Variants in CARF observed in about 807,000 individuals in gnomAD.
CARF encodes calcium-responsive transcription factor.
Under a neutral mutation model 82.0 loss-of-function variants are expected in CARF, and 57 were observed. The observed-to-expected ratio is 0.70, with a 90% CI of 0.56 to 0.87. The LOEUF is 0.87. Among genes scored for constraint, CARF ranks in the 40% least tolerant of loss-of-function variants. The pLI is 0.00. For missense variants in CARF, 771 were observed against 855.8 expected, an observed-to-expected ratio of 0.90 and a Z score of 1.24; for synonymous variants, 268 against 290.1, an observed-to-expected ratio of 0.92 and a Z score of 0.77.
chr2:202,935,124 T>TATAATTATATATAATTATG (rs1559204258), intron 3 of CARF, among the ~76,000 whole-genome samples: 1 of 85,258 alleles, frequency 1.2e-5, no homozygotes, highest in Non-Finnish European at 2.6e-5. Context: ...ATATAATTAT[T>TATAATTATATATAATTATG]TATAATTATA....
At chr2:202,944,291 A>C (rs2058383478) in intron 5 of CARF, among the ~76,000 whole-genome samples, 1 of 152,212 alleles carries the variant, frequency 6.6e-6, no homozygotes, top group Admixed American at 6.5e-5. Context: ...GAATATACTT[A>C]ACATAAGTAA....
At chr2:202,978,746 G>A (rs1393027136) in intron 14 of CARF, among the ~76,000 whole-genome samples, 1 of 152,154 alleles carries the variant, frequency 6.6e-6, no homozygotes, top group Admixed American at 6.6e-5. Flanking sequence ...TTTTACTGGA[G>A]GGATATGACC....
At chr2:202,981,444 T>C in intron 14 of CARF, 111 bp from the exon 15 acceptor site, 1 of 828,992 alleles carries the variant, frequency 1.2e-6, no homozygotes, top group Admixed American at 3.0e-5. Context: ...TTTGCAAAAC[T>C]TTGAAAGTAT....
intron 9 of CARF, chr2:202,961,671 T>C (rs986024855): frequency 1.0e-4 from 51 of 485,796 alleles, no homozygotes; most frequent in Middle Eastern, 5.3e-4. Flanking sequence ...AAATAAAATA[T>C]CGAAGTTTCC....
At position 202,986,273 on chromosome 2, in the gene CARF, A is replaced by G. The variant is rs919354360; in HGVS notation, c.*2649A>G. On this transcript the variant is annotated 3_prime_UTR_variant, in exon 17 of 17. Transcript: ENST00000438828. ...AGGTGCTCAGCATCACTTTTTGAAA[A>G]CTATGTTTACATATTTAAAATGTTT... 1.3e-5 allele frequency: 2 copies of G among 152,122 alleles called. No individual in the cohort carries two copies. The highest frequency in any genetic ancestry group is 2.9e-5 in the Non-Finnish European group (2 of 67,978). The allele number at this position is 152,122 out of a possible 1,614,324, so 9.4% of individuals were successfully genotyped here. A position where few individuals can be genotyped will look rare whatever the true frequency, so the allele number is the denominator to read the frequency against.
intron 6 of CARF, among the ~76,000 whole-genome samples, chr2:202,953,216 A>T (rs2058837843): frequency 6.6e-6 from 1 of 152,034 alleles, no homozygotes; most frequent in African/African-American, 2.4e-5. Context: ...AGGCTTCACC[A>T]TGTTGGCCAG....
intron 7 of CARF, 96 bp downstream of exon 7, chr2:202,954,230 C>A: frequency 7.4e-7 from 1 of 1,358,782 alleles, no homozygotes; most frequent in Non-Finnish European, 9.9e-7. Flanking sequence ...TAGAGAAAAT[C>A]AGAAGATAGA....
chr2:202,949,786 G>A (rs1016670080), intron 5 of CARF, among the ~76,000 whole-genome samples: 1 of 151,990 alleles, frequency 6.6e-6, no homozygotes, highest in African/African-American at 2.4e-5. Context: ...CTGACCTCAG[G>A]TGATCCACCC....
At chr2:202,940,194 C>T (rs952388309) in intron 3 of CARF, among the ~76,000 whole-genome samples, 22 of 152,006 alleles carry the variant, frequency 1.4e-4, no homozygotes, top group African/African-American at 5.1e-4. Context: ...TCACTGTGCC[C>T]AGCTAATTTT....
At chr2:202,935,272 ATAG>A (rs938150109) in intron 3 of CARF, among the ~76,000 whole-genome samples, 4 of 144,990 alleles carry the variant, frequency 2.8e-5, no homozygotes, top group Admixed American at 7.1e-5. Context: ...ATATATTAGA[ATAG>A]TAGAATATTC....
Position 202,967,070 on chromosome 2 carries a change from C to G in CARF, c.925C>G (p.Gln309Glu). 1 of 1,614,076 alleles carries G rather than the reference C, an allele frequency of 6.2e-7. No homozygotes were observed. The highest frequency in any genetic ancestry group is 8.5e-7 in the Non-Finnish European group (1 of 1,179,994). Residue 309 changes from glutamine (Q) to glutamate (E), a missense_variant, in exon 10 of 17, where the codon CAG becomes GAG. Gln to Glu is a conservative substitution (Grantham distance 29, BLOSUM62 2). Transcript: ENST00000438828. ...CAGTGAGCAGGAAAGCAGGTCTTGT[C>G]AGCTCTACAAAGCCACTTGTCCAGC... is the stretch of plus-strand genomic sequence containing the variant. ...KVSEQESRSC[Q>E]LYKATCPARI...
At chr2:202,981,036 T>C (rs1191779422) in intron 14 of CARF, among the ~76,000 whole-genome samples, 1 of 152,152 alleles carries the variant, frequency 6.6e-6, no homozygotes, top group African/African-American at 2.4e-5. Context: ...TAGGAATCTA[T>C]GTTTTCTTAA....
chr2:202,915,240 C>T (rs559924848), intron 1 of CARF, among the ~76,000 whole-genome samples: 2 of 151,978 alleles, frequency 1.3e-5, no homozygotes, highest in East Asian at 3.9e-4. Context: ...TGGTCTCGAT[C>T]CCCTGACCTT....
intron 14 of CARF, among the ~76,000 whole-genome samples, chr2:202,977,542 T>A (rs979851692): frequency 9.2e-5 from 14 of 152,204 alleles, no homozygotes; most frequent in Non-Finnish European, 4.4e-5. Flanking sequence ...ATGACTGACA[T>A]TTTGAAGCTG....
chr2:202,926,154 G>A (rs977470245), intron 3 of CARF, among the ~76,000 whole-genome samples: 1 of 152,132 alleles, frequency 6.6e-6, no homozygotes, highest in African/African-American at 2.4e-5. Context: ...CAGAGCCTGT[G>A]GGGGAGGCAA....
At chr2:202,958,693 T>C (rs924789269) in intron 8 of CARF, among the ~76,000 whole-genome samples, 1 of 151,764 alleles carries the variant, frequency 6.6e-6, no homozygotes, top group South Asian at 2.1e-4. Context: ...GATCACGAGG[T>C]CAAGAGATTG....
Position 202,912,682 on chromosome 2 carries a change from A to T in CARF, c.-750A>T, listed in dbSNP as rs958587099. The T allele has an allele frequency of 3.3e-5, 5 of 151,314 alleles. No individual in the cohort carries two copies. The highest frequency in any genetic ancestry group is 1.2e-4 in the African/African-American group (5 of 41,304). 9.4% of individuals were successfully genotyped at this position (151,314 alleles called of 1,614,324 possible). On this transcript the variant is annotated 5_prime_UTR_variant, in exon 1 of 17. It adds an upstream start codon to the 5' untranslated region. Transcript: ENST00000438828. ...AGGCCCCAGAGGGGCAGGCTGGAGA[A>T]GGAGGAGGTTAGGTGTCTTCAGGAG...
At chr2:202,929,031 G>C (rs1692390487) in intron 3 of CARF, among the ~76,000 whole-genome samples, 1 of 152,044 alleles carries the variant, frequency 6.6e-6, no homozygotes, top group African/African-American at 2.4e-5. Context: ...CGCCTGGCCT[G>C]TATATCTTCT....
intron 3 of CARF, among the ~76,000 whole-genome samples, chr2:202,937,095 T>C (rs935304795): frequency 2.6e-5 from 4 of 152,220 alleles, no homozygotes; most frequent in African/African-American, 7.2e-5. Context: ...TTGTCAAAAA[T>C]AATTTAACCA....
Sources: allele counts gnomAD v4.1 joint callset (sites outside exome capture counted in the v4.1 genomes callset), GRCh38; gene constraint gnomAD v4.1.1; transcripts MANE v1.5; gene names NCBI Gene and HGNC (gene_info 2026-07-23, HGNC 2026-07-21).